The following DIS3L2 variants were observed in gnomAD, a reference collection of about 807,000 sequenced individuals.
DIS3L2 encodes DIS3 like 3'-5' exoribonuclease 2, also known as DIS3-like exonuclease 2.
DIS3L2 carries 34 observed loss-of-function variants against 97.5 expected under a neutral mutation model. That is an observed-to-expected ratio of 0.35 (90% CI 0.27 to 0.46). DIS3L2 has a LOEUF of 0.46. DIS3L2 is among the 20% of genes least tolerant of loss of function. DIS3L2 has a pLI of 1.00. For synonymous variants in DIS3L2, 435 were observed against 445.2 expected (o/e 0.98, Z 0.29); for missense variants, 1,038 against 1,146.0 (o/e 0.91, Z 1.36).
rs375654054 is a variant in DIS3L2, at chr2:232,016,900, C to T, written c.210+1229C>T. Among the ~76,000 whole-genome samples, 23 of 133,600 alleles carry T rather than the reference C, an allele frequency of 1.7e-4. No individual in the cohort carries two copies. In the South Asian group the frequency reaches 2.1e-3, roughly 12 times the overall value. The allele number at this position is 133,600 out of a possible 152,430, so 87.6% of individuals were successfully genotyped here. A position where few individuals can be genotyped will look rare whatever the true frequency, so the allele number is the denominator to read the frequency against. On this transcript the variant is annotated intron_variant, in intron 3 of 20. Coordinates refer to ENST00000325385, the MANE Select transcript of DIS3L2 (RefSeq NM_152383.5). ...CTGTCATCTTCTCTTCCTTTTTGTC[C>T]CCTCCCTCCCTCCCTCCCTCTCTCC...
At chr2:232,213,280 G>A (rs78871471) in intron 10 of DIS3L2, among the ~76,000 whole-genome samples, 4 of 152,200 alleles carry the variant, frequency 2.6e-5, no homozygotes, top group South Asian at 2.1e-4. Context: ...ATCACAGGCC[G>A]CTCAGTAGCC....
At chr2:232,077,554 A>T (rs1696230337) in intron 5 of DIS3L2, among the ~76,000 whole-genome samples, 1 of 152,166 alleles carries the variant, frequency 6.6e-6, no homozygotes, top group Admixed American at 6.5e-5. Flanking sequence ...GCAGGGTTTT[A>T]TGTGATGCCC....
chr2:231,998,094 C>T (rs566842327), intron 1 of DIS3L2, among the ~76,000 whole-genome samples: 19 of 152,252 alleles, frequency 1.2e-4, no homozygotes, highest in African/African-American at 4.1e-4. Context: ...TAGCAGGTCC[C>T]TCAATTTGGG....
intron 6 of DIS3L2, among the ~76,000 whole-genome samples, chr2:232,112,633 A>G (rs1042259044): frequency 4.6e-5 from 7 of 152,022 alleles, no homozygotes; most frequent in Admixed American, 3.9e-4. Context: ...TCCACTAGAT[A>G]TTTTTCTTCA....
rs560321750 is a variant in DIS3L2 at position 232,139,656 on chromosome 2, A to AT, written c.950+2940dup. Among the ~76,000 whole-genome samples the AT allele has an allele frequency of 3.3e-5, 5 of 152,292 alleles. No individual in the cohort carries two copies. The South Asian group carries it at 8.3e-4, about 25-fold the overall frequency. On this transcript the variant is annotated intron_variant, in intron 8 of 20. Transcript: ENST00000325385. ...CTAAGTTCTTCCATAGAATAGAATA[A>AT]TTTGGGGGAATTTAGAGGAGGTAGG...
Position 232,210,401 on chromosome 2 carries a change from T to A in DIS3L2, c.1200T>A (p.Ala400=), listed in dbSNP as rs778117393. 1.2e-6 allele frequency: 2 copies of A among 1,613,234 alleles called. No homozygotes were observed. The highest frequency in any genetic ancestry group is 1.7e-6 in the Non-Finnish European group (2 of 1,179,284). The change falls in exon 10 of 21, where the codon GCT becomes GCA. Residue 400 remains alanine, a synonymous_variant. Coordinates refer to ENST00000325385, the MANE Select transcript of DIS3L2 (RefSeq NM_152383.5). The part of the protein sequence containing the change: ...LDDALSCKPL[A]DGNFKVGVHI... ...ATGCCCTCTCCTGCAAGCCACTCGC[T>A]GACGGTAGGATGGAAATTTCTATAG...
intron 9 of DIS3L2, among the ~76,000 whole-genome samples, chr2:232,194,814 A>G (rs1691705672): frequency 6.6e-6 from 1 of 152,120 alleles, no homozygotes; most frequent in Admixed American, 6.5e-5. Context: ...GCAACCTGGA[A>G]GCACAGGAGG....
chr2:232,039,011 A>G (rs1695033363), intron 5 of DIS3L2, among the ~76,000 whole-genome samples: 1 of 152,202 alleles, frequency 6.6e-6, no homozygotes, highest in Admixed American at 6.5e-5. Flanking sequence ...AGCTTTCAGA[A>G]GATTTGAAAT....
intron 16 of DIS3L2, among the ~76,000 whole-genome samples, chr2:232,330,983 A>C (rs1695720961): frequency 6.6e-6 from 1 of 152,158 alleles, no homozygotes; most frequent in Admixed American, 6.5e-5. Flanking sequence ...GAGCCTCTTG[A>C]GTTTGAGCCG....
intron 1 of DIS3L2, among the ~76,000 whole-genome samples, chr2:231,970,869 C>T (rs552708427): frequency 1.3e-5 from 2 of 152,242 alleles, no homozygotes; most frequent in African/African-American, 4.8e-5. Context: ...AACACAAACA[C>T]ATTGTACAGC....
chr2:232,051,406 A>G (rs1695395186), intron 5 of DIS3L2, among the ~76,000 whole-genome samples: 1 of 152,230 alleles, frequency 6.6e-6, no homozygotes, highest in African/African-American at 2.4e-5. Context: ...CAAACTTCAG[A>G]AAAAGGATAG....
At chr2:232,224,568 G>C (rs1467618794) in intron 10 of DIS3L2, among the ~76,000 whole-genome samples, 2 of 152,164 alleles carry the variant, frequency 1.3e-5, no homozygotes, top group South Asian at 2.1e-4. Flanking sequence ...AAAGGGTGCA[G>C]TGGTTCATGT....
intron 13 of DIS3L2, among the ~76,000 whole-genome samples, chr2:232,296,169 A>G (rs1335917614): frequency 1.3e-5 from 2 of 152,222 alleles, no homozygotes; most frequent in Non-Finnish European, 2.9e-5. Flanking sequence ...GAGTAGCAAT[A>G]GCATCTGCCC....
At chr2:232,054,781 A>G (rs1695498286) in intron 5 of DIS3L2, among the ~76,000 whole-genome samples, 1 of 152,234 alleles carries the variant, frequency 6.6e-6, no homozygotes, top group Non-Finnish European at 1.5e-5. Flanking sequence ...TTGATATCAA[A>G]ACGTGACAAA....
intron 9 of DIS3L2, among the ~76,000 whole-genome samples, chr2:232,191,518 A>G (rs1691618294): frequency 6.6e-6 from 1 of 152,228 alleles, no homozygotes; most frequent in South Asian, 2.1e-4. Flanking sequence ...AAAAATCACA[A>G]GAACCATTTG....
intron 6 of DIS3L2, among the ~76,000 whole-genome samples, chr2:232,115,233 A>G (rs551020099): frequency 6.6e-6 from 1 of 152,222 alleles, no homozygotes; most frequent in African/African-American, 2.4e-5. Flanking sequence ...GAAGAAAGGG[A>G]TGATTACTTT....
chr2:232,021,477 T>C, intron 3 of DIS3L2, among the ~76,000 whole-genome samples: 1 of 151,842 alleles, frequency 6.6e-6, no homozygotes, highest in Non-Finnish European at 1.5e-5. Context: ...GTGTCATTAG[T>C]AGTGCTGACG....
chr2:231,967,987 A>C (rs1692772190), intron 1 of DIS3L2, among the ~76,000 whole-genome samples: 1 of 152,120 alleles, frequency 6.6e-6, no homozygotes. Flanking sequence ...AAGTTTTGAC[A>C]TATGTGTGTA....
intron 14 of DIS3L2, among the ~76,000 whole-genome samples, chr2:232,306,521 T>A (rs1187475642): frequency 6.6e-6 from 1 of 152,238 alleles, no homozygotes; most frequent in East Asian, 1.9e-4. Context: ...CAATAATATA[T>A]TTAAATTATT....
Sources: allele counts gnomAD v4.1 joint callset (sites outside exome capture counted in the v4.1 genomes callset), GRCh38; gene constraint gnomAD v4.1.1; transcripts MANE v1.5; gene names NCBI Gene and HGNC (gene_info 2026-07-23, HGNC 2026-07-21).